Variants in SYT16 observed in about 807,000 individuals in gnomAD.
The protein encoded by SYT16 is synaptotagmin 16.
In SYT16, 42 loss-of-function variants were observed where a neutral mutation model predicts 61.4. That is an observed-to-expected ratio of 0.68 (90% CI 0.53 to 0.89). The LOEUF is 0.89. Among genes scored for constraint, SYT16 ranks in the 40% least tolerant of loss-of-function variants. The probability of loss-of-function intolerance (pLI) is 0.00; values close to 1 mark genes in which losing one functional copy is unlikely to be tolerated. For missense variants in SYT16, 804 were observed against 807.3 expected (o/e 1.00, Z 0.05); for synonymous variants, 314 against 302.3 (o/e 1.04, Z -0.40).
chr14:61,865,200 A>G, intron 1 of SYT16: 2 of 1,131,664 alleles, frequency 1.8e-6, no homozygotes, highest in Non-Finnish European at 2.7e-6. Context: ...ACTGACTATA[A>G]GCGACTTCTG....
intron 1 of SYT16, among the ~76,000 whole-genome samples, chr14:61,858,762 A>G (rs182479835): frequency 1.1e-4 from 16 of 152,116 alleles, no homozygotes; most frequent in Admixed American, 9.1e-4. Context: ...TTAAGAAGAA[A>G]TCACTTAGGC....
chr14:61,914,280 A>G (rs577362582), intron 1 of SYT16, among the ~76,000 whole-genome samples: 2 of 152,316 alleles, frequency 1.3e-5, no homozygotes, highest in East Asian at 1.9e-4. Flanking sequence ...CTGAAGTCCA[A>G]TGAGGCACAG....
intron 3 of SYT16, among the ~76,000 whole-genome samples, chr14:62,046,578 T>A (rs1325404012): frequency 1.3e-5 from 2 of 152,244 alleles, no homozygotes; most frequent in East Asian, 3.8e-4. Context: ...AGGGTTTTTA[T>A]GGTTTTAGGT....
intron 1 of SYT16, among the ~76,000 whole-genome samples, chr14:61,938,356 C>T (rs1292882087): frequency 6.6e-6 from 1 of 151,892 alleles, no homozygotes; most frequent in Non-Finnish European, 1.5e-5. Flanking sequence ...AAACAGCTGC[C>T]CAGCTTGCCA....
intron 1 of SYT16, among the ~76,000 whole-genome samples, chr14:61,861,312 AT>A (rs916379468): frequency 3.3e-5 from 5 of 152,078 alleles, no homozygotes; most frequent in Non-Finnish European, 5.9e-5. Context: ...AAATTTACTA[AT>A]TTTTTTTGGT....
At chr14:61,967,239 A>G (rs2247248) in intron 1 of SYT16, among the ~76,000 whole-genome samples, 54,239 of 152,012 alleles carry the variant, frequency 0.36, 10,663 homozygotes, top group African/African-American at 0.5. Context: ...ATGTTGGAGA[A>G]TGATGAGCGA....
At chr14:62,019,584 T>G (rs889988728) in intron 3 of SYT16, among the ~76,000 whole-genome samples, 1 of 152,146 alleles carries the variant, frequency 6.6e-6, no homozygotes, top group Non-Finnish European at 1.5e-5. Flanking sequence ...ATTGCTGTAC[T>G]TTTTTTTGTT....
intron 1 of SYT16, among the ~76,000 whole-genome samples, chr14:61,916,444 A>T (rs970544287): frequency 4.0e-5 from 6 of 151,812 alleles, no homozygotes. Context: ...TTTCCCTGCG[A>T]TTTATTTTTT....
At chr14:61,900,254 G>GT (rs2048466847) in intron 1 of SYT16, among the ~76,000 whole-genome samples, 1 of 151,108 alleles carries the variant, frequency 6.6e-6, no homozygotes, top group Non-Finnish European at 1.5e-5. Flanking sequence ...TGCCTCCCAG[G>GT]TTCAAGTGAT....
intron 7 of SYT16, among the ~76,000 whole-genome samples, chr14:62,097,820 T>A (rs1409905512): frequency 6.6e-6 from 1 of 152,208 alleles, no homozygotes; most frequent in Non-Finnish European, 1.5e-5. Context: ...ATGCTTTTGT[T>A]TGCAAGATTA....
At chr14:61,911,163 G>A (rs2048919230) in intron 1 of SYT16, among the ~76,000 whole-genome samples, 1 of 152,150 alleles carries the variant, frequency 6.6e-6, no homozygotes, top group African/African-American at 2.4e-5. Context: ...CTATGGACAA[G>A]TATTTCCTAG....
At chr14:61,883,195 G>A (rs1469228696) in intron 1 of SYT16, among the ~76,000 whole-genome samples, 2 of 152,180 alleles carry the variant, frequency 1.3e-5, no homozygotes, top group African/African-American at 4.8e-5. Context: ...TTGCCTTGGT[G>A]ATTAATATTT....
At chr14:61,912,527 C>T (rs1236236985) in intron 1 of SYT16, among the ~76,000 whole-genome samples, 1 of 152,202 alleles carries the variant, frequency 6.6e-6, no homozygotes, top group African/African-American at 2.4e-5. Flanking sequence ...TAATGAACTA[C>T]ATTTTTAATC....
intron 1 of SYT16, among the ~76,000 whole-genome samples, chr14:61,962,736 G>T (rs2051164714): frequency 6.6e-6 from 1 of 151,894 alleles, no homozygotes; most frequent in Non-Finnish European, 1.5e-5. Flanking sequence ...AATGTCAGAT[G>T]ACTTGTCTTT....
rs796561054 is a variant in SYT16, at chr14:62,079,890, G to T, written c.994-944G>T. ...CCAAGGGTGACATTCCATAAAGAGG[G>T]ATGTGTGTTTGAGAATAGGTAGCAC... On this transcript the variant is annotated intron_variant, in intron 5 of 7. Transcript: ENST00000683842. 9.2e-5 allele frequency among the ~76,000 whole-genome samples: 14 copies of T among 152,260 alleles called. No individual in the cohort carries two copies. The South Asian group carries it at 1.0e-3, about 11-fold the overall frequency.
chr14:61,943,206 C>A (rs909143584), intron 1 of SYT16, among the ~76,000 whole-genome samples: 4 of 152,136 alleles, frequency 2.6e-5, no homozygotes, highest in Non-Finnish European at 4.4e-5. Flanking sequence ...CCTGAATAGA[C>A]CAGTAACAAG....
chr14:61,928,146 TG>T (rs1459676502), intron 1 of SYT16, among the ~76,000 whole-genome samples: 1 of 152,210 alleles, frequency 6.6e-6, no homozygotes, highest in African/African-American at 2.4e-5. Context: ...CTTATGGATC[TG>T]TATCATACGA....
At chr14:61,938,901 A>G (rs1044777845) in intron 1 of SYT16, among the ~76,000 whole-genome samples, 13 of 152,296 alleles carry the variant, frequency 8.5e-5, no homozygotes, top group East Asian at 7.7e-4. Flanking sequence ...TTGGGAGGCC[A>G]AGGCGGGCGG....
intron 3 of SYT16, among the ~76,000 whole-genome samples, chr14:62,037,743 A>T (rs1030937383): frequency 6.6e-6 from 1 of 152,220 alleles, no homozygotes; most frequent in African/African-American, 2.4e-5. Context: ...CTTGAAACAT[A>T]TCTAGTCCCA....
Sources: gnomAD v4.1 joint callset for allele counts (sites outside exome capture counted in the v4.1 genomes callset) on GRCh38, gnomAD v4.1.1 for gene constraint, MANE v1.5 for transcripts, NCBI Gene and HGNC (gene_info 2026-07-23, HGNC 2026-07-21) for gene names.